Variants in PIN4 observed in about 807,000 individuals in gnomAD.
PIN4 encodes peptidylprolyl cis/trans isomerase, NIMA-interacting 4.
A neutral mutation model predicts 8.3 loss-of-function variants in PIN4; 3 were observed. The observed-to-expected ratio is 0.36, with a 90% confidence interval of 0.16 to 0.93. The LOEUF (loss-of-function observed/expected upper bound fraction) is 0.93. Among genes scored for constraint, PIN4 ranks in the 40% least tolerant of loss-of-function variants. PIN4 has a pLI of 0.44. For missense variants in PIN4, 75 were observed against 100.6 expected (o/e 0.75, Z 1.09); for synonymous variants, 18 against 32.5 (o/e 0.55, Z 1.52).
chrX:72,229,868 A>G (rs6525593), intron 3 of PIN4, among the ~76,000 whole-genome samples: 50,200 of 110,932 alleles, frequency 0.45, 10,402 homozygotes, highest in East Asian at 0.98. Context: ...TACAGAACTC[A>G]TTAGAAGACA....
intron 3 of PIN4, among the ~76,000 whole-genome samples, chrX:72,215,508 A>C (rs1414387262): frequency 8.9e-6 from 1 of 111,915 alleles, no homozygotes; most frequent in African/African-American, 3.2e-5. Flanking sequence ...AAGAAGATGG[A>C]TTGATGGAAT....
chrX:72,221,510 G>A (rs746592104), intron 3 of PIN4, among the ~76,000 whole-genome samples: 1 of 110,727 alleles, frequency 9.0e-6, no homozygotes, highest in African/African-American at 3.3e-5. Context: ...AGTCCACATG[G>A]GTGCCAAACA....
chrX:72,187,295 T>C (rs2042708498), intron 2 of PIN4, among the ~76,000 whole-genome samples: 1 of 111,980 alleles, frequency 8.9e-6, no homozygotes, highest in Admixed American at 9.5e-5. Flanking sequence ...CTTGAAATAC[T>C]TAACCTAGCC....
intron 3 of PIN4, among the ~76,000 whole-genome samples, chrX:72,232,271 A>AT (rs2042987859): frequency 1.3e-5 from 1 of 76,453 alleles, no homozygotes; most frequent in Admixed American, 1.5e-4. Context: ...AGGAAGGAGT[A>AT]TTAAAAAAAA....
intron 3 of PIN4, among the ~76,000 whole-genome samples, chrX:72,262,385 C>G (rs1329265380): frequency 1.8e-5 from 2 of 112,328 alleles, no homozygotes; most frequent in Non-Finnish European, 3.8e-5. Flanking sequence ...TGTGTCTGCC[C>G]TAGAAGTATT....
Position 72,206,871 on chromosome X carries a change from A to G in PIN4, c.312+9967A>G, listed in dbSNP as rs181182650. ...GCAGCTGGGTTACAGAGTTCTGAAGATCCTCGATTGTAAAGAGCTCTCTTA... is the reference window on the plus strand; with the variant it reads ...GCAGCTGGGTTACAGAGTTCTGAAGGTCCTCGATTGTAAAGAGCTCTCTTA... On this transcript the variant is annotated intron_variant, in intron 3 of 3. Transcript: ENST00000423432. 8.3e-6 allele frequency: 10 copies of G among 1,210,163 alleles called. No homozygotes were observed. The East Asian group carries it at 2.1e-4, about 25-fold the overall frequency.
intron 3 of PIN4, among the ~76,000 whole-genome samples, chrX:72,222,396 C>G (rs968925414): frequency 1.8e-5 from 2 of 111,416 alleles, no homozygotes; most frequent in Non-Finnish European, 3.8e-5. Flanking sequence ...CATAACCAAG[C>G]CCCTATATAA....
chrX:72,216,916 G>A (rs944562991), intron 3 of PIN4, among the ~76,000 whole-genome samples: 2 of 111,876 alleles, frequency 1.8e-5, no homozygotes, highest in African/African-American at 6.5e-5. Flanking sequence ...TATTCCAAAG[G>A]GTCAGTCAGG....
intron 3 of PIN4, among the ~76,000 whole-genome samples, chrX:72,235,860 A>C (rs1433404862): frequency 1.8e-5 from 2 of 111,696 alleles, no homozygotes; most frequent in Non-Finnish European, 3.8e-5. Flanking sequence ...GGAGGCCATT[A>C]CTCTGCTTAC....
intron 3 of PIN4, among the ~76,000 whole-genome samples, chrX:72,255,059 G>A (rs73624225): frequency 0.024 from 2,571 of 109,160 alleles, 92 homozygotes; most frequent in African/African-American, 0.083. Flanking sequence ...GGTCCGGGGA[G>A]GTGGGAGGAG....
chrX:72,216,034 C>G (rs1345014382), intron 3 of PIN4, among the ~76,000 whole-genome samples: 3 of 110,390 alleles, frequency 2.7e-5, no homozygotes, highest in African/African-American at 9.9e-5. Context: ...CACGGGAGTG[C>G]CCTGTACTAG....
chrX:72,207,930 C>G, intron 3 of PIN4: 1 of 1,211,658 alleles, frequency 8.3e-7, no homozygotes, highest in Non-Finnish European at 1.1e-6. Flanking sequence ...ATGTTCCCAG[C>G]AGGGACCCTT....
chrX:72,253,624 C>A (rs745409120), intron 3 of PIN4, among the ~76,000 whole-genome samples: 1 of 107,467 alleles, frequency 9.3e-6, no homozygotes, highest in Admixed American at 9.9e-5. Flanking sequence ...CACTCCATCT[C>A]AAAAAAAGAA....
chrX:72,231,156 G>C (rs2042981099), intron 3 of PIN4, among the ~76,000 whole-genome samples: 1 of 112,064 alleles, frequency 8.9e-6, no homozygotes, highest in South Asian at 3.7e-4. Context: ...TAGTAGCCAA[G>C]AAAAGGAAAC....
chrX:72,192,033 C>G (rs780452324), intron 2 of PIN4, among the ~76,000 whole-genome samples: 2 of 110,923 alleles, frequency 1.8e-5, no homozygotes, highest in East Asian at 2.8e-4. Flanking sequence ...CTCACTGCAA[C>G]CTCCATCTCC....
intron 3 of PIN4, chrX:72,208,272 G>A: frequency 8.3e-7 from 1 of 1,211,799 alleles, no homozygotes; most frequent in South Asian, 1.8e-5. Flanking sequence ...GAGTCCACTT[G>A]ATGAATTCTT....
chrX:72,198,482 A>G (rs997036324), downstream of PIN4: 2 of 160,030 alleles, frequency 1.2e-5, no homozygotes, highest in Non-Finnish European at 2.1e-5. Context: ...GCACCTCAGT[A>G]GGTTATGCCT....
intron 3 of PIN4, among the ~76,000 whole-genome samples, chrX:72,231,445 G>T (rs908660756): frequency 3.6e-5 from 4 of 111,602 alleles, no homozygotes; most frequent in Non-Finnish European, 7.5e-5. Flanking sequence ...TTAGTCAATG[G>T]TACAAAGTTT....
intron 3 of PIN4, among the ~76,000 whole-genome samples, chrX:72,225,383 C>T (rs1239079905): frequency 9.0e-6 from 1 of 111,686 alleles, no homozygotes; most frequent in East Asian, 2.8e-4. Flanking sequence ...TACTTCTTTG[C>T]AGCCCCTCTC....
Sources: gnomAD v4.1 joint callset for allele counts (sites outside exome capture counted in the v4.1 genomes callset) on GRCh38, gnomAD v4.1.1 for gene constraint, MANE v1.5 for transcripts, NCBI Gene and HGNC (gene_info 2026-07-23, HGNC 2026-07-21) for gene names.